Variants in PHKB observed in about 807,000 individuals in gnomAD.
PHKB encodes the protein phosphorylase kinase regulatory subunit beta.
A neutral mutation model predicts 152.1 loss-of-function variants in PHKB; 122 were observed. That is an observed-to-expected ratio of 0.80 (90% CI 0.69 to 0.93). PHKB has a LOEUF of 0.93. Ranked by LOEUF, PHKB falls within the 40% of genes least tolerant of loss-of-function variation. PHKB has a pLI of 0.00. For missense variants in PHKB, 1,304 were observed against 1,328.4 expected (o/e 0.98, Z 0.29); for synonymous variants, 436 against 464.9 (o/e 0.94, Z 0.80).
chr16:47,579,127 G>A (rs1162963199), intron 7 of PHKB, among the ~76,000 whole-genome samples: 1 of 152,092 alleles, frequency 6.6e-6, no homozygotes, highest in Non-Finnish European at 1.5e-5. Context: ...TATATGTAAT[G>A]TCCAAGCTTC....
intron 14 of PHKB, among the ~76,000 whole-genome samples, chr16:47,617,698 G>T (rs147263590): frequency 6.6e-6 from 1 of 152,226 alleles, no homozygotes; most frequent in East Asian, 1.9e-4. Context: ...TGATAAGTGG[G>T]CTGATTATTC....
intron 26 of PHKB, among the ~76,000 whole-genome samples, chr16:47,687,508 C>T (rs987429090): frequency 1.3e-5 from 2 of 152,142 alleles, no homozygotes; most frequent in Non-Finnish European, 1.5e-5. Flanking sequence ...AATGGTAAAT[C>T]TTAATTCTGT....
chr16:47,495,988 C>T (rs185459988), intron 1 of PHKB, among the ~76,000 whole-genome samples: 3 of 152,178 alleles, frequency 2.0e-5, no homozygotes, highest in African/African-American at 4.8e-5. Context: ...CCTTTCTTTA[C>T]GTTCTTCTTA....
At chr16:47,472,837 G>T (rs557475098) in intron 1 of PHKB, among the ~76,000 whole-genome samples, 1 of 152,004 alleles carries the variant, frequency 6.6e-6, no homozygotes, top group South Asian at 2.1e-4. Flanking sequence ...CTGGTTGGAG[G>T]TTGTGGCAGG....
At chr16:47,534,383 A>G (rs182811804) in intron 6 of PHKB, among the ~76,000 whole-genome samples, 3 of 152,318 alleles carry the variant, frequency 2.0e-5, no homozygotes, top group African/African-American at 7.2e-5. Context: ...TATGTATAGA[A>G]ATAATATTTC....
intron 1 of PHKB, among the ~76,000 whole-genome samples, chr16:47,468,854 C>T (rs1369979161): frequency 1.3e-5 from 2 of 152,064 alleles, no homozygotes; most frequent in Non-Finnish European, 2.9e-5. Flanking sequence ...TTTAGGCTCT[C>T]TCTAATAGCT....
At chr16:47,482,040 G>A (rs1166215214) in intron 1 of PHKB, among the ~76,000 whole-genome samples, 4 of 152,196 alleles carry the variant, frequency 2.6e-5, no homozygotes, top group Non-Finnish European at 5.9e-5. Flanking sequence ...TTAACATTGG[G>A]TTTAACCTTA....
At chr16:47,558,093 A>G (rs1971409853) in intron 7 of PHKB, among the ~76,000 whole-genome samples, 2 of 151,380 alleles carry the variant, frequency 1.3e-5, no homozygotes, top group South Asian at 4.2e-4. Context: ...AGGGACATGG[A>G]TGAAATTGGA....
intron 23 of PHKB, among the ~76,000 whole-genome samples, chr16:47,663,357 C>A (rs935004919): frequency 7.2e-5 from 11 of 152,062 alleles, no homozygotes; most frequent in African/African-American, 2.7e-4. Context: ...ACTATATTCT[C>A]TTTTCTTCTT....
intron 6 of PHKB, among the ~76,000 whole-genome samples, chr16:47,541,764 T>C (rs1971063476): frequency 6.6e-6 from 1 of 152,248 alleles, no homozygotes; most frequent in African/African-American, 2.4e-5. Flanking sequence ...TGAGCATTTT[T>C]TTTCATGTGT....
intron 25 of PHKB, 59 bp from the exon 26 acceptor site, chr16:47,669,156 T>C (rs1973590971): frequency 7.3e-7 from 1 of 1,360,674 alleles, no homozygotes; most frequent in Non-Finnish European, 1.1e-6. Context: ...TTGATTTTTT[T>C]TTAATTTTTA....
chr16:47,682,921 G>T (rs1444503241), intron 26 of PHKB, among the ~76,000 whole-genome samples: 1 of 152,144 alleles, frequency 6.6e-6, no homozygotes, highest in Non-Finnish European at 1.5e-5. Context: ...TTTGATGATG[G>T]TGATGTACAG....
intron 26 of PHKB, among the ~76,000 whole-genome samples, chr16:47,687,106 T>A (rs1025156450): frequency 6.6e-6 from 1 of 152,202 alleles, no homozygotes; most frequent in Non-Finnish European, 1.5e-5. Flanking sequence ...CAGGCAGGTC[T>A]TCCGATGTTT....
intron 7 of PHKB, among the ~76,000 whole-genome samples, chr16:47,572,537 A>G (rs1971679064): frequency 6.6e-6 from 1 of 152,182 alleles, no homozygotes; most frequent in African/African-American, 2.4e-5. Context: ...GGCTATGGAC[A>G]GGTCTGCGGA....
intron 13 of PHKB, among the ~76,000 whole-genome samples, chr16:47,603,605 G>T (rs1156296433): frequency 4.7e-4 from 71 of 151,070 alleles, no homozygotes; most frequent in Non-Finnish European, 1.5e-5. Context: ...CAGGGTTCAA[G>T]CAATCCTCCT....
intron 6 of PHKB, among the ~76,000 whole-genome samples, chr16:47,537,902 C>CTCTCTCTCTCTCTCTT (rs71380327): frequency 2.0e-5 from 3 of 149,232 alleles, no homozygotes; most frequent in African/African-American, 7.6e-5. Context: ...CTCTCTCTCT[C>CTCTCTCTCTCTCTCTT]TTTTTAAGTT....
At chr16:47,676,226 A>C (rs1973730194) in intron 26 of PHKB, 1 of 152,220 alleles carries the variant, frequency 6.6e-6, no homozygotes, top group South Asian at 2.1e-4. Flanking sequence ...TTTCTGAGTT[A>C]GTCCTTTGTG....
intron 7 of PHKB, among the ~76,000 whole-genome samples, chr16:47,554,009 A>C (rs1971320784): frequency 6.6e-6 from 1 of 152,196 alleles, no homozygotes; most frequent in East Asian, 1.9e-4. Context: ...GTCAGGAGAC[A>C]CAGGTGTCAG....
At position 47,465,933 on chromosome 16, in the gene PHKB, G is replaced by C. The variant is rs139542138; in HGVS notation, c.76+4507G>C. On this transcript the variant is annotated intron_variant, in intron 1 of 30. Transcript: ENST00000323584. ...GAGCTTTTCATTGGTACTTTGGCCA[G>C]AAACTATCCAGTATTGCCAAAAGTG... Among the ~76,000 whole-genome samples, 11 of 152,302 alleles carry C rather than the reference G, an allele frequency of 7.2e-5. No individual in the cohort carries two copies. In the East Asian group the frequency reaches 2.1e-3, roughly 29 times the overall value.
Sources: allele counts gnomAD v4.1 joint callset (sites outside exome capture counted in the v4.1 genomes callset), GRCh38; gene constraint gnomAD v4.1.1; transcripts MANE v1.5; gene names NCBI Gene and HGNC (gene_info 2026-07-23, HGNC 2026-07-21).